Variants in IFT81 observed in about 807,000 individuals in gnomAD.
IFT81 encodes intraflagellar transport protein 81 homolog.
IFT81 carries 72 observed loss-of-function variants against 102.6 expected under a neutral mutation model. That is an observed-to-expected ratio of 0.70 (90% CI 0.58 to 0.85). IFT81 has a LOEUF of 0.85. Ranked by LOEUF, IFT81 falls within the 40% of genes least tolerant of loss-of-function variation. IFT81 has a pLI of 0.00. For synonymous variants in IFT81, 237 were observed against 242.7 expected, an observed-to-expected ratio of 0.98 and a Z score of 0.22; for missense variants, 723 against 787.3, an observed-to-expected ratio of 0.92 and a Z score of 0.98.
rs1896219528 is a variant in IFT81 at position 110,162,973 on chromosome 12, AAGG to A, written c.1099_1101del (p.Glu367del). ...CAAAGCTGAGGAACTTCAGGAGGCC[AAGG>A]AGAAGTTAGCCAGCCTAGAGAGAGA... On this transcript the variant is annotated inframe_deletion, in exon 11 of 19. Transcript: ENST00000242591. 1 of 1,614,006 alleles carries A rather than the reference AAGG, an allele frequency of 6.2e-7. No homozygotes were observed. The highest frequency in any genetic ancestry group is 8.5e-7 in the Non-Finnish European group (1 of 1,179,912).
At chr12:110,172,723 ATC>A (rs1896801549) in intron 11 of IFT81, among the ~76,000 whole-genome samples, 2 of 151,940 alleles carry the variant, frequency 1.3e-5, no homozygotes, top group Admixed American at 1.3e-4. Context: ...CAGTGGCGTG[ATC>A]TCGTGTCGCT....
chr12:110,195,410 A>G (rs566730674), intron 14 of IFT81, among the ~76,000 whole-genome samples: 1 of 152,042 alleles, frequency 6.6e-6, no homozygotes, highest in East Asian at 1.9e-4. Context: ...GTATTGTCTT[A>G]GTGTTTGCCG....
chr12:110,215,211 T>A (rs930544065), intron 18 of IFT81, among the ~76,000 whole-genome samples: 4 of 151,928 alleles, frequency 2.6e-5, no homozygotes, highest in Admixed American at 2.0e-4. Flanking sequence ...ATTGACCGTA[T>A]GTTAAAAGAG....
chr12:110,197,904 G>A (rs923551812), intron 14 of IFT81, among the ~76,000 whole-genome samples: 4 of 151,884 alleles, frequency 2.6e-5, no homozygotes, highest in Non-Finnish European at 5.9e-5. Flanking sequence ...TAGAGATGGG[G>A]TTTCTCCATG....
In IFT81 at chr12:110,218,628, G is replaced by A. The variant is rs1870441697; in HGVS notation, c.*402G>A. The A allele has an allele frequency of 6.5e-6, 1 of 153,370 alleles. No individual in the cohort carries two copies. Among genetic ancestry groups the A allele is most frequent in the African/African-American group, 2.4e-5 (1 of 41,430 alleles). 9.5% of individuals were successfully genotyped at this position (153,370 alleles called of 1,614,324 possible). ...TTTAGGAACTAATATCTCTTGTTCT[G>A]AAGAAACATTTATCTGACGTTCAGC... On this transcript the variant is annotated 3_prime_UTR_variant, in exon 19 of 19. Transcript: ENST00000242591.
chr12:110,176,402 G>T (rs1897036606), intron 11 of IFT81, among the ~76,000 whole-genome samples: 1 of 152,162 alleles, frequency 6.6e-6, no homozygotes, highest in Non-Finnish European at 1.5e-5. Flanking sequence ...AAGGGAAAAG[G>T]AGGGCAATTT....
At chr12:110,210,803 T>C (rs1869304850) in intron 18 of IFT81, among the ~76,000 whole-genome samples, 1 of 152,108 alleles carries the variant, frequency 6.6e-6, no homozygotes, top group Non-Finnish European at 1.5e-5. Context: ...ATTATGTTGT[T>C]AAACAATAAC....
At chr12:110,180,868 T>C (rs1406314262) in intron 12 of IFT81, among the ~76,000 whole-genome samples, 3 of 152,208 alleles carry the variant, frequency 2.0e-5, no homozygotes, top group African/African-American at 7.2e-5. Context: ...AGAGAGTGAC[T>C]GTAAAATATT....
chr12:110,138,518 C>T (rs771358680), intron 8 of IFT81, among the ~76,000 whole-genome samples: 19 of 151,938 alleles, frequency 1.3e-4, no homozygotes, highest in Non-Finnish European at 2.4e-4. Flanking sequence ...CCGCAGCCTC[C>T]GCCTCCCGGG....
intron 11 of IFT81, among the ~76,000 whole-genome samples, chr12:110,179,763 TATATATATATACACACACAC>T (rs1172367766): frequency 1.0e-4 from 7 of 68,946 alleles, no homozygotes; most frequent in African/African-American, 4.5e-4. Context: ...TATATATATA[TATATATATATACACACACAC>T]ACACACACAC....
At chr12:110,155,588 A>G (rs562307657) in intron 10 of IFT81, among the ~76,000 whole-genome samples, 176 of 152,320 alleles carry the variant, frequency 1.2e-3, no homozygotes, top group Middle Eastern at 3.4e-3. Context: ...CTGGGATTAC[A>G]GGTGTGAGCC....
At chr12:110,157,589 A>G (rs1895912413) in intron 10 of IFT81, among the ~76,000 whole-genome samples, 1 of 152,050 alleles carries the variant, frequency 6.6e-6, no homozygotes, top group South Asian at 2.1e-4. Flanking sequence ...GTTTTCATAC[A>G]TTATTTCTTC....
chr12:110,200,509 G>C (rs540674236), intron 14 of IFT81, among the ~76,000 whole-genome samples: 1 of 152,100 alleles, frequency 6.6e-6, no homozygotes, highest in African/African-American at 2.4e-5. Context: ...AAGTTTCTCC[G>C]GTTGAGTCAA....
rs1348694236 is a variant in IFT81 at position 110,127,400 on chromosome 12, T to G, written c.20T>G (p.Phe7Cys). The change falls in exon 2 of 19, where the codon TTC (phenylalanine) becomes TGC (cysteine). Residue 7 changes from phenylalanine to cysteine, a missense_variant. Transcript: ENST00000242591. Reference sequence around the variant, plus strand: ...CTAATTATGAGTGATCAAATTAAATTCATTATGGACAGTCTCAATAAGGAG... The same window carrying G: ...CTAATTATGAGTGATCAAATTAAATGCATTATGGACAGTCTCAATAAGGAG... MSDQIK[F>C]IMDSLNKEPF... The G allele has an allele frequency of 1.3e-6, 2 of 1,584,986 alleles. No homozygotes were observed. Among genetic ancestry groups the G allele is most frequent in the Non-Finnish European group, 1.7e-6 (2 of 1,169,640 alleles).
chr12:110,204,764 A>G (rs923367643), intron 15 of IFT81: 6 of 152,242 alleles, frequency 3.9e-5, no homozygotes, highest in Non-Finnish European at 5.9e-5. Context: ...CAGTCCCTCT[A>G]TCACATTCTA....
chr12:110,146,567 CTG>C (rs965546062), intron 9 of IFT81, among the ~76,000 whole-genome samples: 9 of 152,150 alleles, frequency 5.9e-5, no homozygotes, highest in African/African-American at 1.7e-4. Flanking sequence ...AGTAATCAAA[CTG>C]TGTAATTATA....
chr12:110,167,678 T>G (rs1244229323), intron 11 of IFT81, among the ~76,000 whole-genome samples: 1 of 152,098 alleles, frequency 6.6e-6, no homozygotes, highest in Admixed American at 6.6e-5. Context: ...GCCATGGAGA[T>G]TTGCCCTTTA....
chr12:110,125,615 G>A (rs547137499), intron 1 of IFT81, among the ~76,000 whole-genome samples: 2 of 152,222 alleles, frequency 1.3e-5, no homozygotes, highest in East Asian at 1.9e-4. Flanking sequence ...GGCTGGCCTC[G>A]AACTCCTGAC....
intron 11 of IFT81, among the ~76,000 whole-genome samples, chr12:110,179,773 T>TAAAC: frequency 2.0e-5 from 1 of 50,488 alleles, no homozygotes; most frequent in Non-Finnish European, 4.1e-5. Context: ...TATATATATA[T>TAAAC]ACACACACAC....
Sources: gnomAD v4.1 joint callset for allele counts (sites outside exome capture counted in the v4.1 genomes callset) on GRCh38, gnomAD v4.1.1 for gene constraint, MANE v1.5 for transcripts, NCBI Gene and HGNC (gene_info 2026-07-23, HGNC 2026-07-21) for gene names.